The following PDXDC1 variants were observed in gnomAD, a reference collection of about 807,000 sequenced individuals.
PDXDC1 encodes the protein pyridoxal-dependent decarboxylase domain-containing protein 1.
In PDXDC1, 42 loss-of-function variants were observed where a neutral mutation model predicts 100.1. The observed-to-expected ratio is 0.42, with a 90% CI of 0.33 to 0.54. The LOEUF (loss-of-function observed/expected upper bound fraction) is 0.54. Among genes scored for constraint, PDXDC1 ranks in the 20% least tolerant of loss-of-function variants. PDXDC1 has a pLI of 0.10. For synonymous variants in PDXDC1, 260 were observed against 371.7 expected, an observed-to-expected ratio of 0.70 and a Z score of 3.46; for missense variants, 636 against 979.2, an observed-to-expected ratio of 0.65 and a Z score of 4.68.
chr16:15,021,913 C>T (rs1481550544), intron 12 of PDXDC1, among the ~76,000 whole-genome samples: 1 of 152,304 alleles, frequency 6.6e-6, no homozygotes, highest in Non-Finnish European at 1.5e-5. Flanking sequence ...GAAGTACTTT[C>T]ATGCATCATC....
At position 14,975,063 on chromosome 16, in the gene PDXDC1, T is replaced by C. The variant is rs1323407119; in HGVS notation, c.-137T>C. The C allele has an allele frequency of 8.6e-6, 13 of 1,511,346 alleles. No individual in the cohort carries two copies. The African/African-American group carries it at 1.7e-4, about 19-fold the overall frequency. The allele number at this position is 1,511,346 out of a possible 1,614,324, so 93.6% of individuals were successfully genotyped here. A position where few individuals can be genotyped will look rare whatever the true frequency, so the allele number is the denominator to read the frequency against. ...AGGTTCGGCAGCCCGCGGCGCCGCC[T>C]GGCAGCTCCTCCTCTTCTCCGCCCC... On this transcript the variant is annotated 5_prime_UTR_variant, in exon 1 of 23. Transcript: ENST00000396410.
chr16:15,053,588 TA>T (rs1160423730), intron 16 of PDXDC1, among the ~76,000 whole-genome samples: 1 of 152,304 alleles, frequency 6.6e-6, no homozygotes, highest in East Asian at 1.9e-4. Flanking sequence ...TTTGCTTTCC[TA>T]CAAAGAGGAC....
intron 16 of PDXDC1, chr16:15,068,147 C>T (rs1225999826): frequency 1.3e-6 from 2 of 1,506,104 alleles, no homozygotes; most frequent in South Asian, 2.5e-5. Context: ...TAACTCCCAT[C>T]AAGAAAGCGT....
Position 15,034,546 on chromosome 16 carries a change from G to C in PDXDC1, c.1995G>C (p.Leu665Phe). ...TACAGAAGGGAAGAACTTTTAACTT[G>C]ACAGCAGGTAGGACGGCATAGCCTC... ...QALQKGRTFN[L>F]TAGSLESTEP... is the part of the protein sequence containing the mutation. The change falls in exon 21 of 23, where the codon TTG becomes TTC. Residue 665 changes from leucine (L) to phenylalanine (F), a missense_variant. Physicochemically the swap from Leu to Phe is conservative, Grantham distance 22. This residue lies in a region of PDXDC1 where 452 missense variants were observed against 402.9 expected (regional missense o/e 1.12). Coordinates refer to ENST00000396410, the MANE Select transcript of PDXDC1 (RefSeq NM_015027.4). 6.2e-7 allele frequency: 1 copy of C among 1,612,858 alleles called. No individual in the cohort carries two copies.
At chr16:15,083,394 G>C in intron 16 of PDXDC1, 2 of 1,468,798 alleles carry the variant, frequency 1.4e-6, no homozygotes, top group Non-Finnish European at 1.8e-6. Flanking sequence ...GTGAGACTCG[G>C]TCTCAAAAAA....
chr16:15,088,954 C>A (rs1171069569), intron 16 of PDXDC1, among the ~76,000 whole-genome samples: 1 of 151,904 alleles, frequency 6.6e-6, no homozygotes, highest in Non-Finnish European at 1.5e-5. Flanking sequence ...AGTGGACATG[C>A]TAAGTTTGGA....
chr16:15,011,631 C>CTTTTTTTTTTTTTTTTTTTTTTTTTTT, intron 8 of PDXDC1, among the ~76,000 whole-genome samples: 50 of 131,252 alleles, frequency 3.8e-4, no homozygotes, highest in Non-Finnish European at 4.3e-4. Context: ...ACATTTTTTT[C>CTTTTTTTTTTTTTTTTTTTTTTTTTTT]TTTTTTTTTT....
intron 16 of PDXDC1, chr16:15,136,053 G>A: frequency 1.9e-6 from 3 of 1,570,798 alleles, no homozygotes; most frequent in South Asian, 1.1e-5. Context: ...AGCTCTCCAG[G>A]CTGAAGGCCT....
intron 1 of PDXDC1, among the ~76,000 whole-genome samples, chr16:14,994,637 C>G (rs1297119753): frequency 2.6e-5 from 4 of 152,280 alleles, no homozygotes; most frequent in Non-Finnish European, 4.4e-5. Context: ...TTTTTTGGTT[C>G]CATATGAACT....
In PDXDC1 at chr16:15,037,954, T is replaced by C; in HGVS notation, c.*1679T>C. The stretch of plus-strand genomic sequence containing the variant: ...GGCCTAAGACCCAACAGATGTAGGA[T>C]CCAGATCTGGATTCGTGCCAGCCCC... On this transcript the variant is annotated 3_prime_UTR_variant, in exon 23 of 23. Transcript: ENST00000396410. 1.9e-6 allele frequency: 2 copies of C among 1,043,082 alleles called. No individual in the cohort carries two copies. Among genetic ancestry groups the C allele is most frequent in the Non-Finnish European group, 1.5e-6 (1 of 687,776 alleles). 64.6% of individuals were successfully genotyped at this position (1,043,082 alleles called of 1,614,324 possible).
chr16:15,036,075 G>A lies in PDXDC1; in HGVS notation c.2167G>A (p.Val723Ile). The A allele has an allele frequency of 6.2e-7, 1 of 1,614,114 alleles. No homozygotes were observed. Residue 723 changes from valine to isoleucine, a missense_variant, in exon 23 of 23, where the codon GTC becomes ATC. Val to Ile is a conservative substitution (Grantham distance 29, BLOSUM62 3). This residue lies in a region of PDXDC1 where 452 missense variants were observed against 402.9 expected (regional missense o/e 1.12). Transcript: ENST00000396410. Reference sequence around the variant, plus strand: ...AGATGCTTTGAGTGAGACCAGCTCAGTCAGTCACATTGAAGACTTAGAAAA... The same window carrying A: ...AGATGCTTTGAGTGAGACCAGCTCAATCAGTCACATTGAAGACTTAGAAAA... Reference protein sequence around the residue: ...GSDALSETSSVSHIEDLEKVE... With the variant: ...GSDALSETSSISHIEDLEKVE...
intron 16 of PDXDC1, among the ~76,000 whole-genome samples, chr16:15,110,084 A>G (rs4125493): frequency 5.4e-4 from 81 of 148,988 alleles, no homozygotes; most frequent in African/African-American, 1.7e-3. Context: ...AACCCAAAAG[A>G]CAGTGAGCTG....
downstream of PDXDC1, among the ~76,000 whole-genome samples, chr16:15,143,679 T>A (rs1386987051): frequency 6.6e-6 from 1 of 151,908 alleles, no homozygotes; most frequent in Non-Finnish European, 1.5e-5. Flanking sequence ...GGAGCCGGGG[T>A]CGGGGCGTGC....
intron 7 of PDXDC1, chr16:15,009,199 T>A: frequency 2.6e-6 from 1 of 383,672 alleles, no homozygotes; most frequent in South Asian, 6.8e-5. Context: ...GAAAATGAGG[T>A]TCTTCATTGT....
intron 16 of PDXDC1, among the ~76,000 whole-genome samples, chr16:15,092,796 C>A (rs1462688062): frequency 1.3e-5 from 2 of 152,208 alleles, no homozygotes; most frequent in South Asian, 2.1e-4. Context: ...TGTCTTCCCA[C>A]TGCACTTACA....
At chr16:15,085,226 G>C (rs1015447671) in intron 16 of PDXDC1, among the ~76,000 whole-genome samples, 1 of 152,142 alleles carries the variant, frequency 6.6e-6, no homozygotes, top group Admixed American at 6.6e-5. Context: ...CAGGACAAAT[G>C]ACTGCATATC....
chr16:14,979,933 T>TA (rs1967578210), intron 1 of PDXDC1, among the ~76,000 whole-genome samples: 1 of 152,284 alleles, frequency 6.6e-6, no homozygotes, highest in African/African-American at 2.4e-5. Context: ...CCCACTCTTT[T>TA]ATATAGAATG....
chr16:15,081,764 A>T (rs2045712982), intron 16 of PDXDC1, among the ~76,000 whole-genome samples: 3 of 152,188 alleles, frequency 2.0e-5, no homozygotes, highest in African/African-American at 7.2e-5. Context: ...ACATCATGAA[A>T]ATGTACTCGT....
At position 15,037,914 on chromosome 16, in the gene PDXDC1, CTGAGGAGGGAAGGAGGCCTAAG is replaced by C; in HGVS notation, c.*1640_*1661del. The C allele has an allele frequency of 1.6e-6, 1 of 637,824 alleles. No individual in the cohort carries two copies. The highest frequency in any genetic ancestry group is 2.7e-6 in the Non-Finnish European group (1 of 364,024). 39.5% of individuals were successfully genotyped at this position (637,824 alleles called of 1,614,324 possible). ...TTTGATGAAAGTCATTTGAAAGACA[CTGAGGAGGGAAGGAGGCCTAAG>C]ACCCAACAGATGTAGGATCCAGATC... On this transcript the variant is annotated 3_prime_UTR_variant, in exon 23 of 23. Transcript: ENST00000396410.
Sources: gnomAD v4.1 joint callset for allele counts (sites outside exome capture counted in the v4.1 genomes callset) on GRCh38, gnomAD v4.1.1 for gene constraint, gnomAD v4.1.1 regional missense constraint, MANE v1.5 for transcripts, NCBI Gene and HGNC (gene_info 2026-07-23, HGNC 2026-07-21) for gene names.